The following CST7 variants were observed in gnomAD, a reference collection of about 807,000 sequenced individuals.
CST7 encodes the protein cystatin F, also known as cystatin-F.
A neutral mutation model predicts 13.1 loss-of-function variants in CST7; 15 were observed. The observed-to-expected ratio is 1.14, with a 90% CI of 0.77 to 1.76. The LOEUF is 1.76. CST7 is among the 40% of genes most tolerant of loss of function. CST7 has a pLI of 0.00. For missense variants in CST7, 193 were observed against 178.8 expected, an observed-to-expected ratio of 1.08 and a Z score of -0.45; for synonymous variants, 75 against 66.9, an observed-to-expected ratio of 1.12 and a Z score of -0.59.
chr20:24,957,101 A>AAGAGAGAACATGTGAGGGAGTACAGGT (rs2087862710), intron 1 of CST7, among the ~76,000 whole-genome samples, 186 bp from the exon 2 acceptor site: 1 of 1,198 alleles, frequency 8.3e-4, no homozygotes. Context: ...AGGGGTGGGT[A>AAGAGAGAACATGTGAGGGAGTACAGGT]GGGTGGGGGC....
At chr20:24,959,076 C>T in intron 3 of CST7, 32 bp downstream of exon 3, 1 of 1,493,712 alleles carries the variant, frequency 6.7e-7, no homozygotes, top group Non-Finnish European at 9.3e-7. Flanking sequence ...TCAGATGTGC[C>T]CTCTCTTCCC....
chr20:24,955,121 CTCTT>C (rs1386336171), intron 1 of CST7, among the ~76,000 whole-genome samples: 3 of 151,950 alleles, frequency 2.0e-5, no homozygotes, highest in Non-Finnish European at 4.4e-5. Flanking sequence ...ATACACGTGT[CTCTT>C]TCTCTGCTGT....
chr20:24,949,883 C>A (rs186300209), intron 1 of CST7, among the ~76,000 whole-genome samples: 1 of 152,236 alleles, frequency 6.6e-6, no homozygotes. Flanking sequence ...AGGTCTCCCG[C>A]AGCTCCTCTG....
At chr20:24,951,147 C>A (rs1017523216) in intron 1 of CST7, among the ~76,000 whole-genome samples, 4 of 152,202 alleles carry the variant, frequency 2.6e-5, no homozygotes, top group African/African-American at 9.7e-5. Flanking sequence ...CCATTCTCAG[C>A]AGACCTGCTG....
chr20:24,958,343 T>C (rs2087872705), intron 2 of CST7, among the ~76,000 whole-genome samples: 1 of 152,126 alleles, frequency 6.6e-6, no homozygotes, highest in Non-Finnish European at 1.5e-5. Context: ...TTCTGAGTCC[T>C]TGGGGTTCTC....
intron 2 of CST7, among the ~76,000 whole-genome samples, chr20:24,958,396 T>G (rs762648552): frequency 6.6e-6 from 1 of 152,106 alleles, no homozygotes; most frequent in African/African-American, 2.4e-5. Context: ...CTTGGTGATA[T>G]TGGGGACAAC....
At chr20:24,949,837 C>T (rs1183841705) in intron 1 of CST7, among the ~76,000 whole-genome samples, 2 of 152,244 alleles carry the variant, frequency 1.3e-5, no homozygotes, top group African/African-American at 4.8e-5. Flanking sequence ...TATTCTCTGG[C>T]TCTTCACAGA....
intron 1 of CST7, 95 bp from the exon 2 acceptor site, chr20:24,957,192 C>A: frequency 7.7e-7 from 1 of 1,292,004 alleles, no homozygotes; most frequent in Non-Finnish European, 1.1e-6. Flanking sequence ...CACACGCCAG[C>A]AGAGAACTGA....
chr20:24,949,691 G>GGTGGTGAGAGGTGCTGGGA (rs1568803637), intron 1 of CST7, 116 bp downstream of exon 1: 7 of 1,325,662 alleles, frequency 5.3e-6, no homozygotes, highest in Middle Eastern at 1.9e-4. Context: ...AGGACCATGC[G>GGTGGTGAGAGGTGCTGGGA]GTGGTGAGAG....
Position 24,959,578 on chromosome 20 carries a change from C to A in CST7, c.361-57C>A, listed in dbSNP as rs373615005. On this transcript the variant is annotated intron_variant, in intron 3 of 3. Coordinates refer to ENST00000480798, the MANE Select transcript of CST7 (RefSeq NM_003650.4). ...TCCATGAGGACCACCCCTCCACGGG[C>A]AGAGGGCTCCCCGCAGGGAAAGTCT... The A allele has an allele frequency of 1.0e-5, 16 of 1,533,496 alleles. No homozygotes were observed. In the African/African-American group the frequency reaches 1.8e-4, roughly 17 times the overall value. 95.0% of individuals were successfully genotyped at this position (1,533,496 alleles called of 1,614,324 possible). A position where few individuals can be genotyped will look rare whatever the true frequency, so the allele number is the denominator to read the frequency against.
intron 1 of CST7, among the ~76,000 whole-genome samples, chr20:24,953,770 T>G (rs1297243460): frequency 1.3e-5 from 2 of 152,174 alleles, no homozygotes; most frequent in Non-Finnish European, 2.9e-5. Context: ...AGGTCCCCCA[T>G]TCCCCTCGAG....
intron 1 of CST7, among the ~76,000 whole-genome samples, chr20:24,955,267 C>T (rs1030856199): frequency 2.0e-5 from 3 of 152,100 alleles, no homozygotes; most frequent in Non-Finnish European, 4.4e-5. Flanking sequence ...CTCTGGGGAC[C>T]CCTCCTTCCT....
chr20:24,952,752 AG>A (rs1310385481), intron 1 of CST7, among the ~76,000 whole-genome samples: 1 of 152,232 alleles, frequency 6.6e-6, no homozygotes, highest in Non-Finnish European at 1.5e-5. Flanking sequence ...GGACACCAGC[AG>A]GGACCATCTG....
intron 1 of CST7, among the ~76,000 whole-genome samples, chr20:24,955,700 C>T (rs1568805614): frequency 1.3e-5 from 2 of 152,194 alleles, no homozygotes; most frequent in South Asian, 2.1e-4. Flanking sequence ...CTGCCCGCCT[C>T]GGCCTCCCAA....
At chr20:24,959,567 C>A in intron 3 of CST7, 68 bp from the exon 4 acceptor site, 1 of 1,455,130 alleles carries the variant, frequency 6.9e-7, no homozygotes. Context: ...TGAGGACCAC[C>A]CCTCCACGGG....
chr20:24,956,684 G>A (rs1224407131), intron 1 of CST7, among the ~76,000 whole-genome samples: 2 of 152,090 alleles, frequency 1.3e-5, no homozygotes, highest in East Asian at 4.0e-4. Flanking sequence ...GCCCTCCTGG[G>A]GGCTGGGCCT....
chr20:24,957,527 C>A, intron 2 of CST7, 68 bp downstream of exon 2: 1 of 1,461,834 alleles, frequency 6.8e-7, no homozygotes. Context: ...CAACGCGACA[C>A]CTAGGAGAGC....
At position 24,949,334 on chromosome 20, in the gene CST7, T is replaced by C; in HGVS notation, c.-172T>C. 6.5e-7 allele frequency: 1 copy of C among 1,530,598 alleles called. No homozygotes were observed. The allele number at this position is 1,530,598 out of a possible 1,614,324, so 94.8% of individuals were successfully genotyped here. ...ACCATTGCCCGGCACTGGCCCGTGC[T>C]GCCTGAGAAGGATTGGCACGGGCAC... is the stretch of plus-strand genomic sequence containing the variant. On this transcript the variant is annotated 5_prime_UTR_variant, in exon 1 of 4. Coordinates refer to ENST00000480798, the MANE Select transcript of CST7 (RefSeq NM_003650.4).
chr20:24,958,978 C>T lies in CST7; in HGVS notation c.294C>T (p.Thr98=). 6.2e-7 allele frequency: 1 copy of T among 1,614,048 alleles called. No homozygotes were observed. The highest frequency in any genetic ancestry group is 8.5e-7 in the Non-Finnish European group (1 of 1,179,926). Residue 98 remains threonine (T), a synonymous_variant, in exon 3 of 4, where the codon ACC becomes ACT. Coordinates refer to ENST00000480798, the MANE Select transcript of CST7 (RefSeq NM_003650.4). ...YMLEVEIGRT[T]CKKNQHLRLD... Reference sequence around the variant, plus strand: ...TGGAGGTGGAAATTGGCAGAACTACCTGCAAGAAAAACCAGCACCTGCGTC... The same window carrying T: ...TGGAGGTGGAAATTGGCAGAACTACTTGCAAGAAAAACCAGCACCTGCGTC...
Sources: allele counts gnomAD v4.1 joint callset (sites outside exome capture counted in the v4.1 genomes callset), GRCh38; gene constraint gnomAD v4.1.1; transcripts MANE v1.5; gene names NCBI Gene and HGNC (gene_info 2026-07-23, HGNC 2026-07-21).